RADIL: variants seen among roughly 807,000 people sequenced by gnomAD.
The protein encoded by RADIL is ras-associating and dilute domain-containing protein.
Under a neutral mutation model 97.6 loss-of-function variants are expected in RADIL, and 99 were observed. That is an observed-to-expected ratio of 1.01 (90% CI 0.86 to 1.20). The LOEUF is 1.20. RADIL is among the 50% of genes most tolerant of loss of function. RADIL has a pLI of 0.00. For synonymous variants in RADIL, 803 were observed against 691.8 expected, an observed-to-expected ratio of 1.16 and a Z score of -2.52; for missense variants, 1,765 against 1,498.9, an observed-to-expected ratio of 1.18 and a Z score of -2.93.
chr7:4,800,098 C>CAGCCAGGCTTGCATGAACAGGCGG, intron 13 of RADIL, 73 bp downstream of exon 13: 1 of 1,518,426 alleles, frequency 6.6e-7, no homozygotes, highest in Non-Finnish European at 8.8e-7. Flanking sequence ...ACGCAAGCTG[C>CAGCCAGGCTTGCATGAACAGGCGG]GGCCAGGCTT....
intron 12 of RADIL, 60 bp from the exon 13 acceptor site, chr7:4,800,370 G>A: frequency 2.1e-6 from 3 of 1,399,530 alleles, no homozygotes; most frequent in Non-Finnish European, 2.8e-6. Flanking sequence ...GACGAGGAAT[G>A]GGATGTCCTG....
chr7:4,845,025 G>C (rs1562447601), intron 2 of RADIL, among the ~76,000 whole-genome samples: 3 of 142,610 alleles, frequency 2.1e-5, no homozygotes, highest in African/African-American at 8.2e-5. Context: ...AGGGGTGTTA[G>C]AATTTGACCT....
intron 2 of RADIL, chr7:4,862,033 C>G: frequency 7.4e-6 from 3 of 403,494 alleles, no homozygotes; most frequent in Non-Finnish European, 1.3e-5. Context: ...CAGAACCTAC[C>G]GTACACGCGC....
At chr7:4,838,530 C>T (rs944190252) in intron 2 of RADIL, among the ~76,000 whole-genome samples, 2 of 152,180 alleles carry the variant, frequency 1.3e-5, no homozygotes, top group African/African-American at 2.4e-5. Flanking sequence ...AAGTGGCTCG[C>T]AGCTGAGTGT....
chr7:4,816,466 C>T lies in RADIL; in HGVS notation c.1729-1G>A. 1 of 1,602,176 alleles carries T rather than the reference C, an allele frequency of 6.2e-7. No homozygotes were observed. The highest frequency in any genetic ancestry group is 1.1e-5 in the South Asian group (1 of 90,256). ...GTGCCGGGAGGCAGATGTACAGGGA[C>T]TGGCGGGGGCAAGAGGAGAACAGCA... is the stretch of plus-strand genomic sequence containing the variant. On this transcript the variant is annotated splice_acceptor_variant, in intron 7 of 14. Coordinates refer to ENST00000399583, the MANE Select transcript of RADIL (RefSeq NM_018059.5). LOFTEE classifies it high-confidence loss of function.
chr7:4,861,893 G>T, intron 2 of RADIL: 2 of 986,002 alleles, frequency 2.0e-6, no homozygotes. Flanking sequence ...CCGCTGAGGC[G>T]GAAGGGCAGG....
At position 4,883,282 on chromosome 7, in the gene RADIL, G is replaced by A. The variant is rs1156334989; in HGVS notation, c.-65+314C>T. Among the ~76,000 whole-genome samples the A allele has an allele frequency of 1.3e-5, 2 of 151,214 alleles. No individual in the cohort carries two copies. The highest frequency in any genetic ancestry group is 6.6e-5 in the Admixed American group (1 of 15,252). ...AGTCCCCTGGAGTTGGGGGTCCGGG[G>A]CCCACGCGGACAGCCAGGCTCAGGA... On this transcript the variant is annotated intron_variant, in intron 1 of 14. Transcript: ENST00000399583. The surrounding 1 kb of genome is among the most constrained non-coding windows in gnomAD (Gnocchi z 7.1).
intron 2 of RADIL, among the ~76,000 whole-genome samples, chr7:4,852,072 T>C (rs1358158911): frequency 2.0e-5 from 3 of 152,222 alleles, no homozygotes; most frequent in Non-Finnish European, 4.4e-5. Flanking sequence ...GAGACATTTA[T>C]GGATGTGGCT....
intron 9 of RADIL, 118 bp from the exon 10 acceptor site, chr7:4,805,834 C>T (rs533633137): frequency 1.4e-6 from 2 of 1,441,500 alleles, no homozygotes; most frequent in African/African-American, 1.4e-5. Flanking sequence ...GTGGTCCTCA[C>T]TCCCACCAGG....
rs761143774 is a variant in RADIL, at chr7:4,836,565, C to G, written c.576G>C (p.Ala192=). 1.2e-6 allele frequency: 2 copies of G among 1,607,142 alleles called. No individual in the cohort carries two copies. The highest frequency in any genetic ancestry group is 1.3e-5 in the African/African-American group (1 of 74,818). ...AQARRLQRSR[A]KGTPTPALGD... ...CCAGGGCCGGGGTCGGGGTTCCCTT[C>G]GCGCGACTCCGCTGCAGCCTCCGGG... The change falls in exon 3 of 15, where the codon GCG becomes GCC. Residue 192 remains alanine, a synonymous_variant. Coordinates refer to ENST00000399583, the MANE Select transcript of RADIL (RefSeq NM_018059.5).
Position 4,824,495 on chromosome 7 carries a change from C to T in RADIL, c.1455-1941G>A, listed in dbSNP as rs894509043. On this transcript the variant is annotated intron_variant, in intron 5 of 14. Coordinates refer to ENST00000399583, the MANE Select transcript of RADIL (RefSeq NM_018059.5). The surrounding 1 kb of genome is among the most constrained non-coding windows in gnomAD (Gnocchi z 6.7). Reference sequence around the variant, plus strand: ...CCTGTTCTTTCCCCAGCTGGGCAGCCGAGCAGGGCTGGGGGAGGAACCCCA... The same window carrying T: ...CCTGTTCTTTCCCCAGCTGGGCAGCTGAGCAGGGCTGGGGGAGGAACCCCA... Among the ~76,000 whole-genome samples, 4 of 152,208 alleles carry T rather than the reference C, an allele frequency of 2.6e-5. No individual in the cohort carries two copies. The highest frequency in any genetic ancestry group is 2.1e-4 in the South Asian group (1 of 4,826).
At position 4,863,088 on chromosome 7, in the gene RADIL, C is replaced by G. The variant is rs1301745746; in HGVS notation, c.535+14517G>C. The stretch of plus-strand genomic sequence containing the variant: ...TCTAGACACGTTGTCAACCTTCTCA[C>G]TCTGTCCTCCATGTCTCTTAAGCCG... On this transcript the variant is annotated intron_variant, in intron 2 of 14. Coordinates refer to ENST00000399583, the MANE Select transcript of RADIL (RefSeq NM_018059.5). 1.3e-5 allele frequency among the ~76,000 whole-genome samples: 2 copies of G among 152,152 alleles called. 1 individual carries two copies.
intron 2 of RADIL, among the ~76,000 whole-genome samples, chr7:4,839,705 G>A (rs1279664071): frequency 6.6e-6 from 1 of 152,136 alleles, no homozygotes; most frequent in Middle Eastern, 3.2e-3. Flanking sequence ...GAACCCAGGT[G>A]TCAGATAAAT....
chr7:4,801,925 C>A lies in RADIL; in HGVS notation c.2570G>T (p.Gly857Val). The change falls in exon 12 of 15, where the codon GGC becomes GTC. Residue 857 changes from glycine (G) to valine (V), a missense_variant. By Grantham distance (109) the Gly-to-Val change is moderately radical. Transcript: ENST00000399583. ...PSCPLAPRDP[G>V]PAAREVAPER... ...CGGGGCCACTTCCCGGGCTGCTGGG[C>A]CAGGGTCCCTGGGAGCCAGGGGGCA... is the stretch of plus-strand genomic sequence containing the variant. The A allele has an allele frequency of 6.4e-7, 1 of 1,567,544 alleles. No homozygotes were observed. The highest frequency in any genetic ancestry group is 8.6e-7 in the Non-Finnish European group (1 of 1,158,482).
At chr7:4,836,755 C>A in intron 2 of RADIL, 150 bp from the exon 3 acceptor site, 4 of 1,001,946 alleles carry the variant, frequency 4.0e-6, no homozygotes, top group Non-Finnish European at 5.8e-6. Context: ...CTGGCCAACA[C>A]AGTGAAACCC....
intron 2 of RADIL, among the ~76,000 whole-genome samples, chr7:4,876,367 C>A (rs965205689): frequency 6.6e-6 from 1 of 152,034 alleles, no homozygotes; most frequent in Non-Finnish European, 1.5e-5. Flanking sequence ...ATGGCATGAT[C>A]TCGGCTCACT....
intron 10 of RADIL, 181 bp downstream of exon 10, chr7:4,805,385 C>A: frequency 1.1e-5 from 7 of 663,980 alleles, no homozygotes; most frequent in Non-Finnish European, 1.6e-5. Flanking sequence ...GTCCCCGGAT[C>A]CCCAGGTTGG....
rs560135073 is a variant in RADIL at position 4,862,754 on chromosome 7, G to A, written c.535+14851C>T. Among the ~76,000 whole-genome samples, 11 of 152,046 alleles carry A rather than the reference G, an allele frequency of 7.2e-5. No individual in the cohort carries two copies. The South Asian group carries it at 1.0e-3, about 14-fold the overall frequency. On this transcript the variant is annotated intron_variant, in intron 2 of 14. Transcript: ENST00000399583. ...CACTACTAAAAATACAAAATTAGCC[G>A]GGCGTGGTGGTGCATGCCTGTAATC...
chr7:4,811,501 T>G lies in RADIL; in HGVS notation c.2139+3777A>C, dbSNP rs28806907. 7.9e-3 allele frequency among the ~76,000 whole-genome samples: 1,104 copies of G among 139,392 alleles called. 4 individuals carry two copies. The highest frequency in any genetic ancestry group is 0.029 in the African/African-American group (1,049 of 35,814). 91.4% of individuals were successfully genotyped at this position (139,392 alleles called of 152,430 possible). On this transcript the variant is annotated intron_variant, in intron 9 of 14. Transcript: ENST00000399583. ...TTTCTTTTTTTTTTTTTTTTTTTTTTTTTTGAGATGGAGTCTCACTCTGTC... is the reference window on the plus strand; with the variant it reads ...TTTCTTTTTTTTTTTTTTTTTTTTTGTTTTGAGATGGAGTCTCACTCTGTC...
Sources: allele counts gnomAD v4.1 joint callset (sites outside exome capture counted in the v4.1 genomes callset), GRCh38; gene constraint gnomAD v4.1.1; non-coding constraint Gnocchi (gnomAD v3.1); transcripts MANE v1.5; gene names NCBI Gene and HGNC (gene_info 2026-07-23, HGNC 2026-07-21).